ARHGEF1: variants seen among roughly 807,000 people sequenced by gnomAD.
ARHGEF1 encodes Rho guanine nucleotide exchange factor 1.
In ARHGEF1, 40 loss-of-function variants were observed where a neutral mutation model predicts 119.7. The ratio of observed to expected loss-of-function variants is 0.33; its 90% confidence interval spans 0.26 to 0.44. ARHGEF1 has a LOEUF of 0.44. Ranked by LOEUF, ARHGEF1 falls within the 20% of genes least tolerant of loss-of-function variation. The pLI, the probability that ARHGEF1 is intolerant of heterozygous loss-of-function variation, is 1.00. For missense variants in ARHGEF1, 976 were observed against 1,268.3 expected (o/e 0.77, Z 3.50); for synonymous variants, 494 against 521.0 (o/e 0.95, Z 0.71).
chr19:41,921,922 C>G (rs2074844583), upstream of ARHGEF1, among the ~76,000 whole-genome samples: 1 of 151,492 alleles, frequency 6.6e-6, no homozygotes, highest in South Asian at 2.1e-4. The surrounding 1 kb of genome is among the most constrained non-coding windows in gnomAD (Gnocchi z 4.4). Context: ...CACCCAGACC[C>G]CAGCTCCATC....
chr19:41,894,739 G>A (rs1487397571), intron 11 of ARHGEF1, 78 bp downstream of exon 11: 4 of 1,447,072 alleles, frequency 2.8e-6, no homozygotes, highest in Admixed American at 1.8e-5. Flanking sequence ...TGGGTCTGAG[G>A]GAGGAGGGGC....
chr19:41,891,282 T>C (rs2074372449), intron 4 of ARHGEF1, among the ~76,000 whole-genome samples: 2 of 152,060 alleles, frequency 1.3e-5, no homozygotes, highest in African/African-American at 4.8e-5. Flanking sequence ...TTTTGGGTTT[T>C]ATTTATTTAT....
Position 41,905,248 on chromosome 19 carries a change from C to A in ARHGEF1, c.2323C>A (p.Pro775Thr), listed in dbSNP as rs782632121. The change falls in exon 24 of 29, where the codon CCC becomes ACC. Residue 775 changes from proline (P) to threonine (T), a missense_variant. Transcript: ENST00000354532. This position sits in a 1 kb window ranked among gnomAD's most constrained non-coding sequence, Gnocchi z 6.4. ...PAPASRPKPR[P>T]SPSSTREPLL... ...CCCTGCCTCTCGCCCTAAGCCCCGG[C>A]CCAGCCCGAGCAGGTGAGGGGGGCC... The A allele has an allele frequency of 6.2e-7, 1 of 1,613,442 alleles. No homozygotes were observed. The highest frequency in any genetic ancestry group is 1.7e-5 in the Admixed American group (1 of 59,966).
At chr19:41,898,163 CAG>C (rs1307114922) in intron 13 of ARHGEF1, 2 of 1,409,390 alleles carry the variant, frequency 1.4e-6, no homozygotes, top group East Asian at 5.5e-5. Context: ...CCTGGAGAAT[CAG>C]GGAGGGATTG....
chr19:41,905,222 C>A lies in ARHGEF1; in HGVS notation c.2297C>A (p.Ala766Asp). 6.2e-7 allele frequency: 1 copy of A among 1,614,044 alleles called. No homozygotes were observed. The highest frequency in any genetic ancestry group is 8.5e-7 in the Non-Finnish European group (1 of 1,179,962). Residue 766 changes from alanine to aspartate, a missense_variant, in exon 24 of 29, where the codon GCC becomes GAC. Physicochemically the swap from Ala to Asp is moderately radical, Grantham distance 126. Coordinates refer to ENST00000354532, the MANE Select transcript of ARHGEF1 (RefSeq NM_004706.4). This position sits in a 1 kb window ranked among gnomAD's most constrained non-coding sequence, Gnocchi z 6.4. ...ACTGCCGGATCCCTGAAAGTCCCTGCCCCTGCCTCTCGCCCTAAGCCCCGG... is the reference window on the plus strand; with the variant it reads ...ACTGCCGGATCCCTGAAAGTCCCTGACCCTGCCTCTCGCCCTAAGCCCCGG... ...TETAGSLKVP[A>D]PASRPKPRPS...
rs782237115 is a variant in ARHGEF1 at position 41,903,414 on chromosome 19, C to T, written c.1839+7C>T. ...TGACATGGAGGACCTGCTGGTGAGC[C>T]TGGGCTGGCCCCACACCCGGGACAG... On this transcript the variant is annotated splice_region_variant and intron_variant, in intron 19 of 28. Transcript: ENST00000354532. This position sits in a 1 kb window ranked among gnomAD's most constrained non-coding sequence, Gnocchi z 4.2. 3 of 1,613,414 alleles carry T rather than the reference C, an allele frequency of 1.9e-6. No homozygotes were observed. The highest frequency in any genetic ancestry group is 1.3e-5 in the African/African-American group (1 of 74,920).
chr19:41,903,581 G>A lies in ARHGEF1; in HGVS notation c.1840-126G>A. The stretch of plus-strand genomic sequence containing the variant: ...CATCTCCCTCTCAGGGTCATTGGAG[G>A]TCAGGCCCAACCCTCAGCTTGCCCG... On this transcript the variant is annotated intron_variant, in intron 19 of 28. Transcript: ENST00000354532. This position sits in a 1 kb window ranked among gnomAD's most constrained non-coding sequence, Gnocchi z 4.2. The A allele has an allele frequency of 8.6e-7, 1 of 1,161,294 alleles. No individual in the cohort carries two copies. Among genetic ancestry groups the A allele is most frequent in the Non-Finnish European group, 1.2e-6 (1 of 805,748 alleles). The allele number at this position is 1,161,294 out of a possible 1,614,324, so 71.9% of individuals were successfully genotyped here.
chr19:41,910,332 T>TACCTTGGCATAGCTCCCCC (rs2074744908), downstream of ARHGEF1, among the ~76,000 whole-genome samples: 2 of 152,066 alleles, frequency 1.3e-5, no homozygotes, highest in Non-Finnish European at 2.9e-5. This position sits in a 1 kb window ranked among gnomAD's most constrained non-coding sequence, Gnocchi z 4.4. Flanking sequence ...TCTGATCCCC[T>TACCTTGGCATAGCTCCCCC]ACCTTGGCAT....
At chr19:41,929,283 C>G (rs577113766) in intron 2 of ARHGEF1, among the ~76,000 whole-genome samples, 45 of 152,202 alleles carry the variant, frequency 3.0e-4, no homozygotes, top group African/African-American at 1.0e-3. Context: ...TCCCAACACA[C>G]AGCCTGGACA....
chr19:41,892,815 G>A lies in ARHGEF1; in HGVS notation c.580G>A (p.Ala194Thr). The change falls in exon 7 of 29, where the codon GCG becomes ACG. Residue 194 changes from alanine (A) to threonine (T), a missense_variant. By Grantham distance (58) the Ala-to-Thr change is moderately conservative. Coordinates refer to ENST00000354532, the MANE Select transcript of ARHGEF1 (RefSeq NM_004706.4). The surrounding 1 kb of genome is among the most constrained non-coding windows in gnomAD (Gnocchi z 6.3). ...CTACGAGGCCCGGGAGCGGCACGTG[G>A]CGGAGCGGCTGCTCATGCACCTGGA... ...ASYEARERHV[A>T]ERLLMHLEEM... The A allele has an allele frequency of 1.3e-6, 2 of 1,582,692 alleles. No individual in the cohort carries two copies. Among genetic ancestry groups the A allele is most frequent in the Non-Finnish European group, 1.7e-6 (2 of 1,168,032 alleles).
At chr19:41,896,050 G>A (rs1555847473) in intron 12 of ARHGEF1, among the ~76,000 whole-genome samples, 2 of 152,214 alleles carry the variant, frequency 1.3e-5, no homozygotes, top group Non-Finnish European at 2.9e-5. Context: ...CGTGGAGGCA[G>A]CACAGAATCC....
At chr19:41,893,001 T>A in intron 7 of ARHGEF1, 152 bp downstream of exon 7, 1 of 1,245,702 alleles carries the variant, frequency 8.0e-7, no homozygotes, top group Non-Finnish European at 1.1e-6. Flanking sequence ...CCTGGTGTTT[T>A]AACTCACCTT....
intron 4 of ARHGEF1, 26 bp from the exon 5 acceptor site, chr19:41,891,999 A>T: frequency 6.4e-7 from 1 of 1,566,212 alleles, no homozygotes; most frequent in South Asian, 1.1e-5. Context: ...GAGGGAGCGG[A>T]GAGTCATGCT....
In ARHGEF1 at chr19:41,906,756, G is replaced by T. The variant is rs376680966; in HGVS notation, c.2709G>T (p.Gly903=). 2.5e-6 allele frequency: 4 copies of T among 1,611,472 alleles called. No individual in the cohort carries two copies. Among genetic ancestry groups the T allele is most frequent in the Non-Finnish European group, 3.4e-6 (4 of 1,178,988 alleles). The part of the protein sequence containing the change: ...RLRPLLSQLG[G]NSVPQPGCT ...GACCCCTCCTGTCTCAGCTTGGGGGGAACTCTGTCCCCCAGCCTGGCTGCA... is the reference window on the plus strand; with the variant it reads ...GACCCCTCCTGTCTCAGCTTGGGGGTAACTCTGTCCCCCAGCCTGGCTGCA... Residue 903 remains glycine, a synonymous_variant, in exon 28 of 29, where the codon GGG becomes GGT. Transcript: ENST00000354532. The surrounding 1 kb of genome is among the most constrained non-coding windows in gnomAD (Gnocchi z 4.5).
chr19:41,902,732 C>T lies in ARHGEF1; in HGVS notation c.1624-52C>T, dbSNP rs2074624252. 4 of 1,613,370 alleles carry T rather than the reference C, an allele frequency of 2.5e-6. No homozygotes were observed. The highest frequency in any genetic ancestry group is 3.3e-5 in the Admixed American group (2 of 59,966). On this transcript the variant is annotated intron_variant, in intron 17 of 28. Transcript: ENST00000354532. This position sits in a 1 kb window ranked among gnomAD's most constrained non-coding sequence, Gnocchi z 6.5. The stretch of plus-strand genomic sequence containing the variant: ...ACCCAGACTCCTAGGTGCCTGCGCC[C>T]TGGGGTGAGCCCAAAGCCTGGGCCA...
chr19:41,899,329 T>C (rs1181717557), intron 14 of ARHGEF1, among the ~76,000 whole-genome samples: 1 of 152,080 alleles, frequency 6.6e-6, no homozygotes, highest in Non-Finnish European at 1.5e-5. Flanking sequence ...ACTAGTTTGA[T>C]CTTAATTGCT....
chr19:41,919,231 A>G (rs1478724592), upstream of ARHGEF1, among the ~76,000 whole-genome samples: 9 of 152,230 alleles, frequency 5.9e-5, no homozygotes, highest in Admixed American at 4.6e-4. Context: ...CATCCTTAAC[A>G]CACAGACCCA....
Position 41,906,668 on chromosome 19 carries a change from G to A in ARHGEF1, c.2656-35G>A, listed in dbSNP as rs1555850287. On this transcript the variant is annotated intron_variant, in intron 27 of 28. Transcript: ENST00000354532. This position sits in a 1 kb window ranked among gnomAD's most constrained non-coding sequence, Gnocchi z 4.5. Reference sequence around the variant, plus strand: ...TGCCCTGAGTGGGCTGGGGAAGGAAGGGGCCCCCCTCATCCATGACCCCCA... The same window carrying A: ...TGCCCTGAGTGGGCTGGGGAAGGAAAGGGCCCCCCTCATCCATGACCCCCA... 1.3e-6 allele frequency: 2 copies of A among 1,598,274 alleles called. No homozygotes were observed. The highest frequency in any genetic ancestry group is 1.7e-6 in the Non-Finnish European group (2 of 1,174,972).
chr19:41,898,239 G>A, intron 13 of ARHGEF1: 1 of 1,319,108 alleles, frequency 7.6e-7, no homozygotes, highest in Middle Eastern at 1.9e-4. Flanking sequence ...TGTGGTCACA[G>A]ACCTTGGAGG....
Sources: allele counts gnomAD v4.1 joint callset (sites outside exome capture counted in the v4.1 genomes callset), GRCh38; gene constraint gnomAD v4.1.1; non-coding constraint Gnocchi (gnomAD v3.1); transcripts MANE v1.5; gene names NCBI Gene and HGNC (gene_info 2026-07-23, HGNC 2026-07-21).